The following KIF26B variants were observed in gnomAD, a reference collection of about 807,000 sequenced individuals.
KIF26B encodes the protein kinesin-like protein KIF26B.
KIF26B carries 63 observed loss-of-function variants against 151.2 expected under a neutral mutation model. That is an observed-to-expected ratio of 0.42 (90% CI 0.34 to 0.51). The LOEUF (loss-of-function observed/expected upper bound fraction) is 0.51, where lower values mean the gene tolerates loss of function less well. Among genes scored for constraint, KIF26B ranks in the 20% least tolerant of loss-of-function variants. The probability of loss-of-function intolerance (pLI) is 0.07; values close to 1 mark genes in which losing one functional copy is unlikely to be tolerated. For missense variants in KIF26B, 2,813 were observed against 2,913.6 expected (o/e 0.97, Z 0.79); for synonymous variants, 1,357 against 1,262.1 (o/e 1.08, Z -1.59).
At chr1:245,240,054 C>T (rs372594466) in intron 2 of KIF26B, among the ~76,000 whole-genome samples, 9 of 151,924 alleles carry the variant, frequency 5.9e-5, no homozygotes, top group African/African-American at 1.9e-4. Context: ...CCTGTAGTCC[C>T]AGTTACTCAG....
At chr1:245,205,368 T>A (rs964553500) in intron 2 of KIF26B, among the ~76,000 whole-genome samples, 1 of 152,210 alleles carries the variant, frequency 6.6e-6, no homozygotes, top group Non-Finnish European at 1.5e-5. Context: ...AGTATACTAA[T>A]TCCTATTCTA....
At chr1:245,532,248 C>CTTTTTTTTTTT (rs74163062) in intron 4 of KIF26B, among the ~76,000 whole-genome samples, 7 of 121,482 alleles carry the variant, frequency 5.8e-5, no homozygotes, top group Admixed American at 9.0e-5. Context: ...CTTTTCTTTT[C>CTTTTTTTTTTT]TTTTTTTTTT....
chr1:245,362,771 A>G (rs1672854415), intron 2 of KIF26B, among the ~76,000 whole-genome samples: 1 of 152,006 alleles, frequency 6.6e-6, no homozygotes, highest in Non-Finnish European at 1.5e-5. Context: ...ACGGTGCTCC[A>G]CCACCTACGT....
chr1:245,386,057 A>G lies in KIF26B; in HGVS notation c.999+18690A>G, dbSNP rs577312689. Among the ~76,000 whole-genome samples, 85 of 152,274 alleles carry G rather than the reference A, an allele frequency of 5.6e-4. 1 individual carries two copies. The highest frequency in any genetic ancestry group is 1.8e-3 in the Admixed American group (28 of 15,298). On this transcript the variant is annotated intron_variant, in intron 3 of 14. Coordinates refer to ENST00000407071, the MANE Select transcript of KIF26B (RefSeq NM_018012.4). ...GGAGTTCAAGACCACCCTGGCCAACATGGTGAAACCCCATCTCTACTAAAA... is the reference window on the plus strand; with the variant it reads ...GGAGTTCAAGACCACCCTGGCCAACGTGGTGAAACCCCATCTCTACTAAAA...
rs922980978 is a variant in KIF26B at position 245,624,471 on chromosome 1, T to C, written c.2098+12495T>C. Among the ~76,000 whole-genome samples the C allele has an allele frequency of 5.3e-5, 8 of 152,216 alleles. No homozygotes were observed. The East Asian group carries it at 1.5e-3, about 29-fold the overall frequency. ...TTTGCCTGTTTACATAGTAGGTTTG[T>C]AATAGTGTCTTGTGGTTTTAGTTTG... On this transcript the variant is annotated intron_variant, in intron 9 of 14. Coordinates refer to ENST00000407071, the MANE Select transcript of KIF26B (RefSeq NM_018012.4).
intron 3 of KIF26B, among the ~76,000 whole-genome samples, chr1:245,409,478 C>G (rs1217399221): frequency 6.6e-6 from 1 of 152,186 alleles, no homozygotes; most frequent in African/African-American, 2.4e-5. Flanking sequence ...AGAGTCTCAT[C>G]ATGCAAGGCA....
At chr1:245,492,566 G>A (rs892608060) in intron 4 of KIF26B, among the ~76,000 whole-genome samples, 1 of 152,190 alleles carries the variant, frequency 6.6e-6, no homozygotes, top group African/African-American at 2.4e-5. Flanking sequence ...AACAAAGGCG[G>A]CACGCCAGAC....
At chr1:245,193,236 T>C (rs1669139699) in intron 2 of KIF26B, among the ~76,000 whole-genome samples, 1 of 152,262 alleles carries the variant, frequency 6.6e-6, no homozygotes, top group Non-Finnish European at 1.5e-5. Context: ...CTGCATAGTG[T>C]TCCATGGTGT....
intron 12 of KIF26B, 21 bp downstream of exon 12, chr1:245,688,828 A>G: frequency 6.5e-7 from 1 of 1,548,474 alleles, no homozygotes; most frequent in South Asian, 1.2e-5. Context: ...GGGCGCAGGG[A>G]CGCGGGTGAG....
chr1:245,347,009 C>A (rs772861795), intron 2 of KIF26B, among the ~76,000 whole-genome samples: 2 of 152,192 alleles, frequency 1.3e-5, no homozygotes, highest in East Asian at 1.9e-4. Context: ...ACTCTCCTTG[C>A]AAAACTACAG....
At chr1:245,307,895 C>T (rs947336788) in intron 2 of KIF26B, among the ~76,000 whole-genome samples, 1 of 152,162 alleles carries the variant, frequency 6.6e-6, no homozygotes, top group Non-Finnish European at 1.5e-5. Flanking sequence ...TGCCCGCCAC[C>T]ACGCCCGGCT....
chr1:245,421,289 G>T (rs1376104338), intron 4 of KIF26B, among the ~76,000 whole-genome samples: 1 of 152,180 alleles, frequency 6.6e-6, no homozygotes, highest in Non-Finnish European at 1.5e-5. Context: ...GGCATGGCAG[G>T]TTCAGTTTGG....
chr1:245,390,789 T>G (rs985927861), intron 3 of KIF26B, among the ~76,000 whole-genome samples: 4 of 151,814 alleles, frequency 2.6e-5, no homozygotes, highest in African/African-American at 9.7e-5. Flanking sequence ...GTTTGTTTAT[T>G]AATCATAAAA....
intron 2 of KIF26B, among the ~76,000 whole-genome samples, chr1:245,317,722 A>C (rs557091534): frequency 2.6e-4 from 40 of 152,248 alleles, no homozygotes; most frequent in African/African-American, 9.6e-4. Flanking sequence ...CAGCTCCTGC[A>C]CACCCTGATG....
chr1:245,457,808 T>C (rs757238371), intron 4 of KIF26B, among the ~76,000 whole-genome samples: 1 of 152,256 alleles, frequency 6.6e-6, no homozygotes, highest in Non-Finnish European at 1.5e-5. Context: ...CACTCTCTCA[T>C]GTATGGTCAT....
At position 245,687,590 on chromosome 1, in the gene KIF26B, G is replaced by A. The variant is rs1316906407; in HGVS notation, c.4607G>A (p.Ser1536Asn). Residue 1536 changes from serine (S) to asparagine (N), a missense_variant, in exon 12 of 15, where the codon AGC becomes AAC. Ser to Asn is a conservative substitution (Grantham distance 46). This residue lies in a region of KIF26B where 2,060 missense variants were observed against 2,088.6 expected (regional missense o/e 0.99). Transcript: ENST00000407071. The surrounding 1 kb of genome is among the most constrained non-coding windows in gnomAD (Gnocchi z 4.9). ...CCCAACAAAAGCGTCAAGTCCAGCA[G>A]CCTTCCCAGGGCCTTTCAGAAGGCC... ...VHPNKSVKSS[S>N]LPRAFQKASR... 1 of 1,564,000 alleles carries A rather than the reference G, an allele frequency of 6.4e-7. No homozygotes were observed. Among genetic ancestry groups the A allele is most frequent in the Middle Eastern group, 1.7e-4 (1 of 6,016 alleles).
intron 3 of KIF26B, among the ~76,000 whole-genome samples, chr1:245,409,989 A>G (rs776699170): frequency 1.3e-5 from 2 of 152,246 alleles, no homozygotes; most frequent in Non-Finnish European, 2.9e-5. Context: ...ACATTATGGA[A>G]GGAATGCTAA....
At chr1:245,186,896 GC>G (rs1669010101) in intron 2 of KIF26B, among the ~76,000 whole-genome samples, 1 of 150,530 alleles carries the variant, frequency 6.6e-6, no homozygotes, top group South Asian at 2.1e-4. Context: ...TCTCTCTGTA[GC>G]CCAGGCTGGA....
intron 4 of KIF26B, among the ~76,000 whole-genome samples, chr1:245,449,003 C>G (rs1110831): frequency 6.6e-6 from 1 of 152,190 alleles, no homozygotes; most frequent in African/African-American, 2.4e-5. Flanking sequence ...TAGAGAACCT[C>G]TAATGCCTGA....
Sources: allele counts gnomAD v4.1 joint callset (sites outside exome capture counted in the v4.1 genomes callset), GRCh38; gene constraint gnomAD v4.1.1; regional missense constraint gnomAD v4.1.1; non-coding constraint Gnocchi (gnomAD v3.1); transcripts MANE v1.5; gene names NCBI Gene and HGNC (gene_info 2026-07-23, HGNC 2026-07-21).